Variants in APBA2 observed in about 807,000 individuals in gnomAD.
The protein encoded by APBA2 is amyloid beta precursor protein binding family A member 2, also known as amyloid-beta A4 precursor protein-binding family A member 2.
Under a neutral mutation model 75.0 loss-of-function variants are expected in APBA2, and 30 were observed. The observed-to-expected ratio is 0.40, with a 90% CI of 0.30 to 0.54. The LOEUF is 0.54. Among genes scored for constraint, APBA2 ranks in the 20% least tolerant of loss-of-function variants. The probability of loss-of-function intolerance (pLI) is 0.49; values close to 1 mark genes in which losing one functional copy is unlikely to be tolerated. For missense variants in APBA2, 801 were observed against 1,016.1 expected (o/e 0.79, Z 2.88); for synonymous variants, 444 against 409.6 (o/e 1.08, Z -1.01).
intron 2 of APBA2, among the ~76,000 whole-genome samples, chr15:28,942,505 C>A (rs1027473441): frequency 7.2e-5 from 11 of 152,206 alleles, no homozygotes; most frequent in Admixed American, 3.3e-4. Context: ...GCACATGGAA[C>A]TTATTGCTGC....
At chr15:28,949,537 C>T (rs749959074) in intron 2 of APBA2, among the ~76,000 whole-genome samples, 28 of 152,146 alleles carry the variant, frequency 1.8e-4, no homozygotes, top group Non-Finnish European at 3.1e-4. Context: ...GGCACGATTT[C>T]AGCTCACTGC....
chr15:29,083,523 C>T (rs974492567), intron 6 of APBA2, among the ~76,000 whole-genome samples: 3 of 151,904 alleles, frequency 2.0e-5, no homozygotes, highest in African/African-American at 7.3e-5. Flanking sequence ...TCACTGCAAA[C>T]TCTTTTGTTT....
intron 2 of APBA2, among the ~76,000 whole-genome samples, chr15:28,938,769 A>G (rs1426087678): frequency 1.3e-5 from 2 of 152,220 alleles, no homozygotes; most frequent in Admixed American, 6.5e-5. Context: ...TAGGCCTCCC[A>G]AAGTGCTGGA....
chr15:29,103,336 A>G (rs768241897), intron 10 of APBA2, among the ~76,000 whole-genome samples: 1 of 152,228 alleles, frequency 6.6e-6, no homozygotes, highest in Non-Finnish European at 1.5e-5. Flanking sequence ...CAGCGCCTGC[A>G]GGCTCTGCCC....
intron 3 of APBA2, among the ~76,000 whole-genome samples, chr15:29,047,014 CTTT>C (rs1278113003): frequency 6.6e-6 from 1 of 152,196 alleles, no homozygotes. Context: ...TTGCTCTCTT[CTTT>C]AACTCGCTTC....
At chr15:29,018,397 T>C (rs889550860) in intron 3 of APBA2, among the ~76,000 whole-genome samples, 11 of 152,312 alleles carry the variant, frequency 7.2e-5, no homozygotes, top group East Asian at 5.8e-4. Flanking sequence ...CTCTGGCAAA[T>C]TGCAGATTGG....
chr15:28,952,101 C>T (rs893644976), intron 2 of APBA2, among the ~76,000 whole-genome samples: 3 of 151,826 alleles, frequency 2.0e-5, no homozygotes, highest in East Asian at 3.9e-4. Context: ...CCCCATCTGG[C>T]GGCGAAGCCC....
At chr15:29,028,563 G>T (rs953239449) in intron 3 of APBA2, among the ~76,000 whole-genome samples, 3 of 152,196 alleles carry the variant, frequency 2.0e-5, no homozygotes, top group African/African-American at 7.2e-5. Context: ...TCTGGTTATA[G>T]ATCTTTGAGG....
At chr15:28,984,675 ATCTC>A (rs1056010999) in intron 2 of APBA2, among the ~76,000 whole-genome samples, 1 of 149,572 alleles carries the variant, frequency 6.7e-6, no homozygotes, top group Non-Finnish European at 1.5e-5. Flanking sequence ...GCTGCTGTAT[ATCTC>A]TCTCTGTCTA....
chr15:29,018,769 G>A (rs2039804418), intron 3 of APBA2, among the ~76,000 whole-genome samples: 1 of 152,200 alleles, frequency 6.6e-6, no homozygotes. Context: ...TAAGGAGGAG[G>A]AACCTGTAGT....
At chr15:28,963,552 CCAG>C (rs1424506613) in intron 2 of APBA2, among the ~76,000 whole-genome samples, 9 of 152,308 alleles carry the variant, frequency 5.9e-5, no homozygotes, top group African/African-American at 2.2e-4. Flanking sequence ...ACTTCTGTTA[CCAG>C]CAGAAGTGGG....
At chr15:28,989,380 G>A (rs1044183587) in intron 2 of APBA2, among the ~76,000 whole-genome samples, 2 of 152,084 alleles carry the variant, frequency 1.3e-5, no homozygotes, top group African/African-American at 4.8e-5. Flanking sequence ...GGGAGGATGC[G>A]CAGGTTCGTA....
intron 1 of APBA2, among the ~76,000 whole-genome samples, chr15:28,897,026 G>A (rs1356064319): frequency 6.6e-6 from 1 of 152,094 alleles, no homozygotes; most frequent in Non-Finnish European, 1.5e-5. Context: ...GGACACAACT[G>A]GACCTCACAT....
chr15:28,930,890 G>A (rs751881131), intron 2 of APBA2, among the ~76,000 whole-genome samples: 2 of 152,186 alleles, frequency 1.3e-5, no homozygotes, highest in Admixed American at 6.5e-5. Flanking sequence ...GCGGCCCCAG[G>A]CTGGCCCCAC....
At chr15:28,907,444 TC>T (rs1372620536) in intron 1 of APBA2, among the ~76,000 whole-genome samples, 3 of 152,184 alleles carry the variant, frequency 2.0e-5, no homozygotes, top group Non-Finnish European at 4.4e-5. Context: ...TTTTTCATTT[TC>T]CCCCTAACCT....
intron 6 of APBA2, among the ~76,000 whole-genome samples, chr15:29,085,394 G>A (rs910330508): frequency 1.6e-4 from 24 of 151,766 alleles, no homozygotes; most frequent in Admixed American, 7.2e-4. Flanking sequence ...GCGTGGTGGC[G>A]GGCGCCTATA....
rs1217546871 is a variant in APBA2, at chr15:28,918,040, T to C, written c.-204-3600T>C. 6.6e-6 allele frequency among the ~76,000 whole-genome samples: 1 copy of C among 152,174 alleles called. No homozygotes were observed. Among genetic ancestry groups the C allele is most frequent in the Non-Finnish European group, 1.5e-5 (1 of 68,038 alleles). ...TGTGGGGCAAGGAAGCTGCCCCCAG[T>C]CGGTCCCCGAGGATTCTGCCCAGAT... is the stretch of plus-strand genomic sequence containing the variant. On this transcript the variant is annotated intron_variant, in intron 1 of 14. Coordinates refer to ENST00000683413, the MANE Select transcript of APBA2 (RefSeq NM_001353788.2). This position sits in a 1 kb window ranked among gnomAD's most constrained non-coding sequence, Gnocchi z 4.2.
At chr15:28,944,660 C>A (rs140061161) in intron 2 of APBA2, among the ~76,000 whole-genome samples, 2 of 152,144 alleles carry the variant, frequency 1.3e-5, no homozygotes, top group Non-Finnish European at 2.9e-5. Context: ...GGAACCAAGG[C>A]GATGTTGAGA....
intron 1 of APBA2, among the ~76,000 whole-genome samples, chr15:28,895,791 G>A (rs2032444430): frequency 1.3e-5 from 2 of 152,072 alleles, no homozygotes; most frequent in Non-Finnish European, 2.9e-5. Flanking sequence ...TAACTGGAAA[G>A]GCCTGCTGCT....
Sources: allele counts gnomAD v4.1 joint callset (sites outside exome capture counted in the v4.1 genomes callset), GRCh38; gene constraint gnomAD v4.1.1; non-coding constraint Gnocchi (gnomAD v3.1); transcripts MANE v1.5; gene names NCBI Gene and HGNC (gene_info 2026-07-23, HGNC 2026-07-21).